The following DEAF1 variants were observed in gnomAD, a reference collection of about 807,000 sequenced individuals.
DEAF1 encodes the protein DEAF1 transcription factor.
Under a neutral mutation model 58.9 loss-of-function variants are expected in DEAF1, and 53 were observed. That is an observed-to-expected ratio of 0.90 (90% CI 0.72 to 1.13). The LOEUF (loss-of-function observed/expected upper bound fraction) is 1.13. DEAF1 is among the 50% of genes most tolerant of loss of function. DEAF1 has a pLI of 0.00. For synonymous variants in DEAF1, 385 were observed against 340.4 expected (o/e 1.13, Z -1.44); for missense variants, 685 against 791.4 (o/e 0.87, Z 1.61).
intron 10 of DEAF1, among the ~76,000 whole-genome samples, chr11:667,653 C>CA (rs1395884337): frequency 6.6e-6 from 1 of 151,704 alleles, no homozygotes; most frequent in African/African-American, 2.4e-5. Flanking sequence ...TAAAAAAATA[C>CA]AAAAAATTAG....
chr11:680,553 C>T (rs1860309293), intron 7 of DEAF1, among the ~76,000 whole-genome samples: 1 of 152,154 alleles, frequency 6.6e-6, no homozygotes. Context: ...GAGGCTGCAG[C>T]GAGCCGGGAT....
At position 686,972 on chromosome 11, in the gene DEAF1, C is replaced by A; in HGVS notation, c.690G>T (p.Gln230His). Residue 230 changes from glutamine to histidine, a missense_variant, in exon 5 of 12, where the codon CAG (glutamine) becomes CAT (histidine). By Grantham distance (24) the Gln-to-His change is conservative (BLOSUM62 0). Transcript: ENST00000382409. ...CGGTGGGACTGTACCAGTTCTCCCC[C>A]TGCTTGATGCACCGTCCCCGGCCGC... ...GSGGRGRCIK[Q>H]GENWYSPTEF... 6.2e-7 allele frequency: 1 copy of A among 1,614,210 alleles called. No homozygotes were observed. Among genetic ancestry groups the A allele is most frequent in the South Asian group, 1.1e-5 (1 of 91,084 alleles).
intron 10 of DEAF1, among the ~76,000 whole-genome samples, chr11:668,375 A>G (rs1859652009): frequency 1.3e-5 from 2 of 152,210 alleles, no homozygotes; most frequent in African/African-American, 4.8e-5. Flanking sequence ...GTGTATATGC[A>G]ATATTCACCA....
intron 1 of DEAF1, among the ~76,000 whole-genome samples, chr11:692,786 G>A (rs1488340240): frequency 1.3e-5 from 2 of 151,986 alleles, no homozygotes; most frequent in South Asian, 2.1e-4. Context: ...CGGGAGGCGG[G>A]AGGTTGCGGT....
At chr11:648,101 G>T (rs1052086632) in intron 11 of DEAF1, among the ~76,000 whole-genome samples, 1 of 151,726 alleles carries the variant, frequency 6.6e-6, no homozygotes, top group Non-Finnish European at 1.5e-5. Flanking sequence ...TGGGAGCAGG[G>T]GATTCCTGTT....
intron 10 of DEAF1, among the ~76,000 whole-genome samples, chr11:663,396 C>T (rs780493716): frequency 3.3e-5 from 5 of 152,258 alleles, no homozygotes; most frequent in East Asian, 3.9e-4. Context: ...TGCAGTGAGC[C>T]GAGATTCTGC....
upstream of DEAF1, chr11:695,559 C>A (rs1861090021): frequency 5.7e-6 from 7 of 1,219,428 alleles, no homozygotes; most frequent in Non-Finnish European, 7.2e-6. Flanking sequence ...CGGCGGAAGC[C>A]GAGTCAGCCC....
chr11:684,374 C>T (rs191139670), intron 6 of DEAF1, among the ~76,000 whole-genome samples: 111 of 151,758 alleles, frequency 7.3e-4, no homozygotes, highest in Non-Finnish European at 1.2e-3. Context: ...GCCGAGACCG[C>T]GCCACTGCAC....
chr11:691,841 G>A (rs1474851480), intron 1 of DEAF1, among the ~76,000 whole-genome samples: 1 of 152,170 alleles, frequency 6.6e-6, no homozygotes, highest in Non-Finnish European at 1.5e-5. Flanking sequence ...TTTACGTGCA[G>A]TAAAAAATGC....
chr11:702,156 A>T (rs1023240307), intron 1 of DEAF1, among the ~76,000 whole-genome samples: 4 of 152,070 alleles, frequency 2.6e-5, no homozygotes, highest in African/African-American at 9.7e-5. Flanking sequence ...TCCTCTTGTT[A>T]TCAGGCCTCA....
chr11:672,719 A>G (rs1481410130), intron 10 of DEAF1, among the ~76,000 whole-genome samples: 1 of 152,018 alleles, frequency 6.6e-6, no homozygotes, highest in East Asian at 1.9e-4. Flanking sequence ...GTGGTAGCAC[A>G]TGCCTGTAAT....
intron 11 of DEAF1, among the ~76,000 whole-genome samples, chr11:653,254 C>CTT (rs1858872838): frequency 1.4e-5 from 2 of 144,728 alleles, no homozygotes; most frequent in Admixed American, 7.0e-5. Flanking sequence ...CGCTGTCTCT[C>CTT]GCGTGGCTCT....
chr11:697,898 T>C (rs1299247372), upstream of DEAF1: 3 of 152,220 alleles, frequency 2.0e-5, no homozygotes, highest in Non-Finnish European at 4.4e-5. Context: ...TGTGTGAGAT[T>C]CCACAAACTC....
chr11:670,734 CTTTATT>C (rs1859773926), intron 10 of DEAF1, among the ~76,000 whole-genome samples: 1 of 144,246 alleles, frequency 6.9e-6, no homozygotes, highest in Admixed American at 6.9e-5. Context: ...ATATCTTTTT[CTTTATT>C]TTTTTCCTTT....
chr11:692,362 C>T (rs1349856707), intron 1 of DEAF1: 5 of 155,456 alleles, frequency 3.2e-5, no homozygotes, highest in African/African-American at 1.2e-4. Context: ...CCGCCAACAC[C>T]CCCACACCCT....
At chr11:657,493 A>G (rs117699437) in intron 10 of DEAF1, among the ~76,000 whole-genome samples, 265 of 152,264 alleles carry the variant, frequency 1.7e-3, no homozygotes, top group Non-Finnish European at 3.3e-3. Context: ...CAAACAAATG[A>G]TCAAATAAAT....
At chr11:675,858 G>A (rs1341192169) in intron 9 of DEAF1, among the ~76,000 whole-genome samples, 1 of 151,686 alleles carries the variant, frequency 6.6e-6, no homozygotes, top group Admixed American at 6.6e-5. Context: ...GCAATGTTGG[G>A]AAGTCGGGTA....
chr11:704,829 G>C (rs1861647679), intron 1 of DEAF1: 1 of 385,442 alleles, frequency 2.6e-6, no homozygotes, highest in Non-Finnish European at 4.8e-6. Flanking sequence ...GGAGTGGAGA[G>C]GGACCCCACC....
upstream of DEAF1, chr11:699,195 T>C (rs1861335201): frequency 2.2e-6 from 1 of 464,518 alleles, no homozygotes; most frequent in Non-Finnish European, 3.8e-6. Flanking sequence ...TCCCTCACTT[T>C]GTCCCTAGAT....
Sources: gnomAD v4.1 joint callset for allele counts (sites outside exome capture counted in the v4.1 genomes callset) on GRCh38, gnomAD v4.1.1 for gene constraint, MANE v1.5 for transcripts, NCBI Gene and HGNC (gene_info 2026-07-23, HGNC 2026-07-21) for gene names.